Variants in STPG2 observed in about 807,000 individuals in gnomAD.
STPG2 encodes sperm-tail PG-rich repeat-containing protein 2.
In STPG2, 56 loss-of-function variants were observed where a neutral mutation model predicts 54.2. The observed-to-expected ratio is 1.03, with a 90% CI of 0.83 to 1.29. The LOEUF (loss-of-function observed/expected upper bound fraction) is 1.29, where lower values mean the gene tolerates loss of function less well. Ranked by LOEUF, STPG2 falls within the 50% of genes most tolerant of loss-of-function variation. The probability of loss-of-function intolerance (pLI) is 0.00; values close to 1 mark genes in which losing one functional copy is unlikely to be tolerated. For missense variants in STPG2, 596 were observed against 544.9 expected (o/e 1.09, Z -0.93); for synonymous variants, 200 against 181.8 (o/e 1.10, Z -0.81).
chr4:97,474,132 T>G (rs1730014069), intron 4 of STPG2, among the ~76,000 whole-genome samples: 1 of 152,134 alleles, frequency 6.6e-6, no homozygotes, highest in Admixed American at 6.6e-5. Flanking sequence ...TTATAACAAA[T>G]GTACTACTAT....
At chr4:97,857,422 T>TAAA (rs1729370513) in intron 8 of STPG2, among the ~76,000 whole-genome samples, 2 of 152,298 alleles carry the variant, frequency 1.3e-5, no homozygotes, top group East Asian at 3.9e-4. Context: ...AATTATTTCT[T>TAAA]CTAGAATTTC....
At chr4:98,063,144 CTAT>C (rs1326057124) in intron 5 of STPG2, among the ~76,000 whole-genome samples, 2 of 151,958 alleles carry the variant, frequency 1.3e-5, no homozygotes, top group Admixed American at 6.6e-5. Flanking sequence ...TTATATATAC[CTAT>C]TGTTTAAAAA....
chr4:97,704,688 C>G (rs956779776), intron 10 of STPG2, among the ~76,000 whole-genome samples: 1 of 152,048 alleles, frequency 6.6e-6, no homozygotes, highest in Non-Finnish European at 1.5e-5. Context: ...TTTCTAAAAC[C>G]AAAAGTTTAA....
At chr4:97,720,800 C>T (rs1042813728) in intron 9 of STPG2, among the ~76,000 whole-genome samples, 3 of 151,956 alleles carry the variant, frequency 2.0e-5, no homozygotes, top group East Asian at 1.9e-4. Flanking sequence ...TATTACCACA[C>T]TGCTAGTTGT....
intron 5 of STPG2, among the ~76,000 whole-genome samples, chr4:98,022,400 T>C (rs1736244869): frequency 1.3e-5 from 2 of 152,234 alleles, no homozygotes; most frequent in African/African-American, 4.8e-5. Flanking sequence ...GTTAGTCTGA[T>C]GGGCTTCCCT....
At chr4:97,795,367 C>T (rs2149084063) in intron 9 of STPG2, among the ~76,000 whole-genome samples, 1 of 152,258 alleles carries the variant, frequency 6.6e-6, no homozygotes, top group Admixed American at 6.5e-5. Context: ...CTACGACAGG[C>T]CCCAGTGTGT....
chr4:97,460,653 T>C (rs1729640097), intron 4 of STPG2, among the ~76,000 whole-genome samples: 1 of 152,180 alleles, frequency 6.6e-6, no homozygotes, highest in Non-Finnish European at 1.5e-5. Flanking sequence ...ACAAGTATAA[T>C]TTAATGAATT....
At chr4:97,934,272 T>C (rs993471780) in intron 8 of STPG2, among the ~76,000 whole-genome samples, 4 of 152,152 alleles carry the variant, frequency 2.6e-5, no homozygotes, top group African/African-American at 9.6e-5. Flanking sequence ...TGAGACAATG[T>C]GGTTTTCTAG....
intron 6 of STPG2, among the ~76,000 whole-genome samples, chr4:97,977,326 TA>T (rs1222440911): frequency 1.3e-5 from 2 of 152,118 alleles, no homozygotes; most frequent in African/African-American, 4.8e-5. Context: ...ACCAGCTTTT[TA>T]AAAAAATGTT....
intron 9 of STPG2, among the ~76,000 whole-genome samples, chr4:97,737,297 A>G (rs2149032295): frequency 6.6e-6 from 1 of 152,338 alleles, no homozygotes; most frequent in South Asian, 2.1e-4. Flanking sequence ...TCTAAAAAGC[A>G]GAGTGCCTAT....
intron 8 of STPG2, among the ~76,000 whole-genome samples, chr4:97,892,056 G>T (rs1263582530): frequency 6.6e-6 from 1 of 151,794 alleles, no homozygotes; most frequent in East Asian, 1.9e-4. Context: ...CTTCCACTCA[G>T]GTATCTACTT....
intron 8 of STPG2, among the ~76,000 whole-genome samples, chr4:97,852,498 C>A (rs1729191911): frequency 6.6e-6 from 1 of 152,130 alleles, no homozygotes; most frequent in Admixed American, 6.5e-5. Flanking sequence ...AGGCATTTCT[C>A]TGTATTCTTT....
chr4:97,873,956 A>G (rs1730083425), intron 8 of STPG2, among the ~76,000 whole-genome samples: 1 of 151,538 alleles, frequency 6.6e-6, no homozygotes, highest in Non-Finnish European at 1.5e-5. Flanking sequence ...TTTTGAAAAA[A>G]AGTCAAAGTA....
At chr4:98,065,525 T>C (rs1203038658) in intron 5 of STPG2, among the ~76,000 whole-genome samples, 11 of 152,196 alleles carry the variant, frequency 7.2e-5, no homozygotes, top group Non-Finnish European at 1.2e-4. Flanking sequence ...TCCTAATGTA[T>C]ATTAGAGTTT....
chr4:97,954,723 G>C (rs188198346), intron 7 of STPG2, among the ~76,000 whole-genome samples: 3 of 152,172 alleles, frequency 2.0e-5, no homozygotes, highest in East Asian at 3.8e-4. Context: ...ATCTTCACCT[G>C]TATCTACCTT....
At chr4:97,546,820 C>T (rs1731843392) in intron 4 of STPG2, among the ~76,000 whole-genome samples, 1 of 152,234 alleles carries the variant, frequency 6.6e-6, no homozygotes, top group African/African-American at 2.4e-5. Flanking sequence ...TGAAACTAAA[C>T]TGATGAACAG....
intron 10 of STPG2, among the ~76,000 whole-genome samples, chr4:97,638,428 G>T (rs969505916): frequency 0.017 from 2,619 of 152,176 alleles, 64 homozygotes; most frequent in African/African-American, 0.058. Context: ...CAGGACATAG[G>T]CATGGGCAAG....
chr4:97,978,028 G>A (rs1734550944), intron 6 of STPG2, among the ~76,000 whole-genome samples: 1 of 152,150 alleles, frequency 6.6e-6, no homozygotes, highest in African/African-American at 2.4e-5. Flanking sequence ...TCTAACTAAG[G>A]AAATTTCCAG....
chr4:98,085,763 G>A (rs1284167959), intron 5 of STPG2, among the ~76,000 whole-genome samples: 1 of 151,554 alleles, frequency 6.6e-6, no homozygotes, highest in Non-Finnish European at 1.5e-5. Flanking sequence ...TATTAGTTCC[G>A]GTAGCTTTTT....
Sources: allele counts gnomAD v4.1 joint callset (sites outside exome capture counted in the v4.1 genomes callset), GRCh38; gene constraint gnomAD v4.1.1; transcripts MANE v1.5; gene names NCBI Gene and HGNC (gene_info 2026-07-23, HGNC 2026-07-21).